Variants in EBF4 observed in about 807,000 individuals in gnomAD.
The protein encoded by EBF4 is EBF transcription factor 4.
Under a neutral mutation model 67.1 loss-of-function variants are expected in EBF4, and 34 were observed. That is an observed-to-expected ratio of 0.51 (90% CI 0.39 to 0.67). The LOEUF is 0.67. EBF4 is among the 30% of genes least tolerant of loss of function. EBF4 has a pLI of 0.00. For missense variants in EBF4, 837 were observed against 873.3 expected (o/e 0.96, Z 0.52); for synonymous variants, 387 against 377.7 (o/e 1.02, Z -0.29).
rs2087296121 is a variant in EBF4, at chr20:2,696,891, G to A, written c.137+3109G>A. Among the ~76,000 whole-genome samples the A allele has an allele frequency of 6.6e-6, 1 of 152,158 alleles. No homozygotes were observed. The highest frequency in any genetic ancestry group is 2.1e-4 in the South Asian group (1 of 4,832). On this transcript the variant is annotated intron_variant, in intron 1 of 16. Coordinates refer to ENST00000609451, the Ensembl canonical transcript of EBF4. This position sits in a 1 kb window ranked among gnomAD's most constrained non-coding sequence, Gnocchi z 4.7. ...CCCGGTCCTCCTTGCCCTGCCAGCT[G>A]GGGCCTTCCCCTAAGGCAAGGGTAG... is the stretch of plus-strand genomic sequence containing the variant.
Position 2,747,368 on chromosome 20 carries a change from A to G in EBF4, c.558-1181A>G, listed in dbSNP as rs1481656310. Among the ~76,000 whole-genome samples the G allele has an allele frequency of 6.6e-6, 1 of 152,024 alleles. No individual in the cohort carries two copies. Among genetic ancestry groups the G allele is most frequent in the East Asian group, 1.9e-4 (1 of 5,188 alleles). Reference sequence around the variant, plus strand: ...GAGTACAACAGCCAGAATGTTGTCCATGGCTACCTTACTGGTAGGTGACAG... The same window carrying G: ...GAGTACAACAGCCAGAATGTTGTCCGTGGCTACCTTACTGGTAGGTGACAG... On this transcript the variant is annotated intron_variant, in intron 6 of 16. Transcript: ENST00000609451. This position sits in a 1 kb window ranked among gnomAD's most constrained non-coding sequence, Gnocchi z 4.6.
chr20:2,695,193 G>A (rs1195495073), intron 1 of EBF4, among the ~76,000 whole-genome samples: 1 of 151,464 alleles, frequency 6.6e-6, no homozygotes, highest in African/African-American at 2.4e-5. Flanking sequence ...CACCTGCTGT[G>A]TGGCGAGAGC....
At chr20:2,748,001 C>A (rs1452927811) in intron 6 of EBF4, among the ~76,000 whole-genome samples, 3 of 151,980 alleles carry the variant, frequency 2.0e-5, no homozygotes, top group Non-Finnish European at 4.4e-5. Context: ...AAAGAATGTG[C>A]TGTGTCTGAG....
intron 6 of EBF4, among the ~76,000 whole-genome samples, chr20:2,730,543 A>G (rs1345623272): frequency 6.6e-6 from 1 of 152,066 alleles, no homozygotes; most frequent in Non-Finnish European, 1.5e-5. Flanking sequence ...CCACCATTCA[A>G]CTCACTACCC....
At chr20:2,753,961 C>CCCCTTGGTTTTGAAACTTT (rs2088197738) in intron 14 of EBF4, among the ~76,000 whole-genome samples, 4 of 151,404 alleles carry the variant, frequency 2.6e-5, no homozygotes, top group Non-Finnish European at 5.9e-5. Context: ...TCTGTGGGCA[C>CCCCTTGGTTTTGAAACTTT]CCCCTTGGGC....
In EBF4 at chr20:2,755,999, C is replaced by T. The variant is rs2088238274; in HGVS notation, c.1738+175C>T. Among the ~76,000 whole-genome samples the T allele has an allele frequency of 6.6e-6, 1 of 152,222 alleles. No homozygotes were observed. Among genetic ancestry groups the T allele is most frequent in the South Asian group, 2.1e-4 (1 of 4,836 alleles). On this transcript the variant is annotated intron_variant, in intron 15 of 16. Coordinates refer to ENST00000609451, the Ensembl canonical transcript of EBF4. This position sits in a 1 kb window ranked among gnomAD's most constrained non-coding sequence, Gnocchi z 4.7. ...GGGGTCCAGGGAGGTCCCTCTGGCC[C>T]CCTCTGCCCTGGCCTCCCAGCCTGG...
chr20:2,732,358 G>A (rs754670810), intron 6 of EBF4, among the ~76,000 whole-genome samples: 3 of 152,140 alleles, frequency 2.0e-5, no homozygotes, highest in Non-Finnish European at 1.5e-5. Flanking sequence ...CTGGATTCAA[G>A]CAATCTGCCT....
chr20:2,718,953 A>G (rs1423098131), intron 6 of EBF4, among the ~76,000 whole-genome samples: 2 of 152,182 alleles, frequency 1.3e-5, no homozygotes, highest in Non-Finnish European at 2.9e-5. Flanking sequence ...AGCATACCCA[A>G]AATTCTGATA....
intron 14 of EBF4, chr20:2,754,979 C>CCGCCG (rs1555789843): frequency 4.0e-5 from 5 of 123,930 alleles, no homozygotes; most frequent in African/African-American, 8.7e-5. Flanking sequence ...CACCCCCCCC[C>CCGCCG]ACAGGGCCCA....
intron 10 of EBF4, 58 bp downstream of exon 10, chr20:2,750,031 C>A: frequency 6.7e-7 from 1 of 1,494,882 alleles, no homozygotes; most frequent in Non-Finnish European, 8.9e-7. Context: ...CCCCACCCTG[C>A]GCACTGGTCT....
chr20:2,737,858 A>G (rs1274023405), intron 6 of EBF4, among the ~76,000 whole-genome samples: 5 of 151,218 alleles, frequency 3.3e-5, no homozygotes, highest in Non-Finnish European at 5.9e-5. Context: ...CCAGCTACTC[A>G]GGAGGCTGAG....
At chr20:2,730,707 T>C (rs2146445234) in intron 6 of EBF4, among the ~76,000 whole-genome samples, 2 of 152,304 alleles carry the variant, frequency 1.3e-5, no homozygotes, top group Admixed American at 1.3e-4. Context: ...ACTGTTCCCT[T>C]TAGGCATGCG....
rs1019013693 is a variant in EBF4, at chr20:2,756,336, A to T, written c.1738+512A>T. ...ACTTGAGACCAAGTCATCTTCCCAC[A>T]TCCCATTCATGAAATGGCTGTTCTC... is the stretch of plus-strand genomic sequence containing the variant. On this transcript the variant is annotated intron_variant, in intron 15 of 16. Coordinates refer to ENST00000609451, the Ensembl canonical transcript of EBF4. The surrounding 1 kb of genome is among the most constrained non-coding windows in gnomAD (Gnocchi z 4.5). 1.3e-5 allele frequency among the ~76,000 whole-genome samples: 2 copies of T among 152,190 alleles called. No homozygotes were observed. Among genetic ancestry groups the T allele is most frequent in the African/African-American group, 2.4e-5 (1 of 41,434 alleles).
At position 2,707,878 on chromosome 20, in the gene EBF4, G is replaced by T. The variant is rs543800598; in HGVS notation, c.415-69G>T. 7.0e-7 allele frequency: 1 copy of T among 1,436,414 alleles called. No individual in the cohort carries two copies. Among genetic ancestry groups the T allele is most frequent in the East Asian group, 2.5e-5 (1 of 39,452 alleles). 89.0% of individuals were successfully genotyped at this position (1,436,414 alleles called of 1,614,324 possible). A position where few individuals can be genotyped will look rare whatever the true frequency, so the allele number is the denominator to read the frequency against. On this transcript the variant is annotated intron_variant, in intron 4 of 16. Transcript: ENST00000609451. The surrounding 1 kb of genome is among the most constrained non-coding windows in gnomAD (Gnocchi z 4.6). ...CCTAGGCTTGGGAGATGCCAGGTCCGTCTGTGCTGCCACCTGCACCTCAGA... is the reference window on the plus strand; with the variant it reads ...CCTAGGCTTGGGAGATGCCAGGTCCTTCTGTGCTGCCACCTGCACCTCAGA...
chr20:2,724,714 G>A (rs1324463796), intron 6 of EBF4, among the ~76,000 whole-genome samples: 1 of 152,180 alleles, frequency 6.6e-6, no homozygotes, highest in Non-Finnish European at 1.5e-5. Flanking sequence ...AGACCAGCCT[G>A]TGCAACATAG....
intron 5 of EBF4, 124 bp from the exon 6 acceptor site, chr20:2,709,450 G>T: frequency 1.2e-6 from 1 of 863,764 alleles, no homozygotes. Context: ...CCAGCCCAGG[G>T]ATTCCACACC....
intron 6 of EBF4, among the ~76,000 whole-genome samples, chr20:2,716,276 C>T (rs2087608524): frequency 6.7e-6 from 1 of 150,260 alleles, no homozygotes; most frequent in Admixed American, 6.6e-5. Context: ...CCTGTAATCC[C>T]AGCACTTTGG....
At chr20:2,741,714 A>C (rs887291421) in intron 6 of EBF4, among the ~76,000 whole-genome samples, 1 of 152,182 alleles carries the variant, frequency 6.6e-6, no homozygotes, top group Admixed American at 6.5e-5. Context: ...CAGGCATCAG[A>C]GTCATGATGC....
chr20:2,737,040 G>A (rs952526692), intron 6 of EBF4, among the ~76,000 whole-genome samples: 16 of 152,110 alleles, frequency 1.1e-4, no homozygotes, highest in Admixed American at 5.2e-4. Context: ...ACAAGGTCAG[G>A]AGATGGAGAC....
Sources: gnomAD v4.1 joint callset for allele counts (sites outside exome capture counted in the v4.1 genomes callset) on GRCh38, gnomAD v4.1.1 for gene constraint, Gnocchi (gnomAD v3.1) non-coding constraint, MANE v1.5 for transcripts, NCBI Gene and HGNC (gene_info 2026-07-23, HGNC 2026-07-21) for gene names.